OSBPL1A: variants seen among roughly 807,000 people sequenced by gnomAD.
The protein encoded by OSBPL1A is oxysterol-binding protein-related protein 1.
Under a neutral mutation model 137.1 loss-of-function variants are expected in OSBPL1A, and 80 were observed. That is an observed-to-expected ratio of 0.58 (90% confidence interval 0.49 to 0.70). OSBPL1A has a LOEUF of 0.70. Ranked by LOEUF, OSBPL1A falls within the 30% of genes least tolerant of loss-of-function variation. OSBPL1A has a pLI of 0.00. For synonymous variants in OSBPL1A, 365 were observed against 389.7 expected (o/e 0.94, Z 0.75); for missense variants, 970 against 1,129.4 (o/e 0.86, Z 2.02).
At chr18:24,314,737 G>T (rs1030406881) in intron 11 of OSBPL1A, among the ~76,000 whole-genome samples, 1 of 152,114 alleles carries the variant, frequency 6.6e-6, no homozygotes, top group Non-Finnish European at 1.5e-5. Context: ...ATCAGCAGTA[G>T]ATAATGTTGA....
chr18:24,183,160 G>A (rs2145926405), intron 18 of OSBPL1A, among the ~76,000 whole-genome samples: 1 of 152,068 alleles, frequency 6.6e-6, no homozygotes, highest in East Asian at 1.9e-4. Context: ...ACAGGTGTGA[G>A]CCATGGCACC....
chr18:24,173,523 G>T (rs563690437), intron 21 of OSBPL1A, among the ~76,000 whole-genome samples: 20 of 151,952 alleles, frequency 1.3e-4, no homozygotes, highest in Middle Eastern at 3.4e-3. Flanking sequence ...AGTGATTCTC[G>T]GGCCTCAGCC....
intron 26 of OSBPL1A, among the ~76,000 whole-genome samples, chr18:24,166,087 ACT>A (rs758580815): frequency 5.3e-5 from 8 of 152,070 alleles, no homozygotes; most frequent in Non-Finnish European, 1.2e-4. Context: ...ACAGAGCAAG[ACT>A]CTGTATAAAA....
In OSBPL1A at chr18:24,268,117, G is replaced by T. The variant is rs190979189; in HGVS notation, c.1281+12725C>A. ...TTATGTCAAGCTTCCTTTTTTTGTTGTTTATTTTTTATTTTTGAGACAGGG... is the reference window on the plus strand; with the variant it reads ...TTATGTCAAGCTTCCTTTTTTTGTTTTTTATTTTTTATTTTTGAGACAGGG... On this transcript the variant is annotated intron_variant, in intron 15 of 27. Transcript: ENST00000319481. 7.9e-5 allele frequency among the ~76,000 whole-genome samples: 12 copies of T among 151,884 alleles called. No individual in the cohort carries two copies. The East Asian group carries it at 1.7e-3, about 22-fold the overall frequency.
intron 14 of OSBPL1A, among the ~76,000 whole-genome samples, chr18:24,283,625 G>T (rs11873350): frequency 6.6e-6 from 1 of 151,812 alleles, no homozygotes; most frequent in African/African-American, 2.4e-5. Flanking sequence ...GTCTCAACAC[G>T]AACTGTGGAC....
intron 18 of OSBPL1A, among the ~76,000 whole-genome samples, chr18:24,183,906 C>T (rs561576985): frequency 6.6e-6 from 1 of 152,306 alleles, no homozygotes; most frequent in Admixed American, 6.5e-5. Flanking sequence ...ACCACTGAAC[C>T]AGATTGAGTT....
At position 24,377,475 on chromosome 18, in the gene OSBPL1A, T is replaced by G. The variant is rs763356821; in HGVS notation, c.59A>C (p.Glu20Ala). The G allele has an allele frequency of 1.2e-6, 2 of 1,612,602 alleles. No individual in the cohort carries two copies. Among genetic ancestry groups the G allele is most frequent in the East Asian group, 4.5e-5 (2 of 44,866 alleles). The part of the protein sequence containing the change: ...LHHARNGNAE[E>A]VRQLLETMAR... ...CATGGTCTCTAATAGTTGTCTTACT[T>G]CTTCAGCATTGCCATTTCTGGCGTG... Residue 20 changes from glutamate to alanine, a missense_variant, in exon 2 of 28, where the codon GAA becomes GCA. This residue lies in a region of OSBPL1A where 647 missense variants were observed against 672.6 expected (regional missense o/e 0.96). Transcript: ENST00000319481.
At position 24,328,216 on chromosome 18, in the gene OSBPL1A, G is replaced by GTTTTTTTTT. The variant is rs1292001089; in HGVS notation, c.625+4725_625+4726insAAAAAAAAA. On this transcript the variant is annotated intron_variant, in intron 7 of 27. Coordinates refer to ENST00000319481, the MANE Select transcript of OSBPL1A (RefSeq NM_080597.4). ...TGCCACCACGCCCGGCTAATTTTTT[G>GTTTTTTTTT]TATTTTTTTTTTTTTTTTTTTTTTT... Among the ~76,000 whole-genome samples the GTTTTTTTTT allele has an allele frequency of 1.5e-4, 7 of 47,586 alleles. No homozygotes were observed. In the East Asian group the frequency reaches 2.6e-3, roughly 18 times the overall value. 31.2% of individuals were successfully genotyped at this position (47,586 alleles called of 152,430 possible).
rs113323427 is a variant in OSBPL1A, at chr18:24,201,071, T to A, written c.1602-4871A>T. Among the ~76,000 whole-genome samples the A allele has an allele frequency of 1.7e-3, 266 of 152,268 alleles. 1 individual carries two copies. The highest frequency in any genetic ancestry group is 6.1e-3 in the African/African-American group (252 of 41,550). Reference sequence around the variant, plus strand: ...GCACAGCTCAGTGATTCTCTCTCGGTGGAGTTTATCTGAGGGTCATTATCT... The same window carrying A: ...GCACAGCTCAGTGATTCTCTCTCGGAGGAGTTTATCTGAGGGTCATTATCT... On this transcript the variant is annotated intron_variant, in intron 17 of 27. Coordinates refer to ENST00000319481, the MANE Select transcript of OSBPL1A (RefSeq NM_080597.4).
In OSBPL1A at chr18:24,388,300, G is replaced by C. The variant is rs147996431; in HGVS notation, c.-3+9355C>G. Among the ~76,000 whole-genome samples, 247 of 152,198 alleles carry C rather than the reference G, an allele frequency of 1.6e-3. 2 individuals are homozygous for C. The East Asian group carries it at 0.037, about 23-fold the overall frequency. ...TGTTCCCCTATTATATCCCTAGCAA[G>C]GTGCCTAGAACACAGTAGGCAACCA... On this transcript the variant is annotated intron_variant, in intron 1 of 27. Coordinates refer to ENST00000319481, the MANE Select transcript of OSBPL1A (RefSeq NM_080597.4).
intron 23 of OSBPL1A, 81 bp downstream of exon 23, chr18:24,171,328 A>G (rs1319783074): frequency 1.1e-5 from 12 of 1,126,512 alleles, no homozygotes; most frequent in Non-Finnish European, 1.4e-5. Flanking sequence ...CACTGTGCCC[A>G]GCCGACAATG....
intron 14 of OSBPL1A, among the ~76,000 whole-genome samples, chr18:24,300,058 G>A (rs758517383): frequency 1.7e-4 from 26 of 152,134 alleles, no homozygotes; most frequent in Admixed American, 5.2e-4. Context: ...ATTACTTTAG[G>A]TGATTTTGTT....
At chr18:24,221,180 T>C (rs76257752) in intron 17 of OSBPL1A, among the ~76,000 whole-genome samples, 1,755 of 152,348 alleles carry the variant, frequency 0.012, 52 homozygotes, top group East Asian at 0.11. Flanking sequence ...TTTCTCAATA[T>C]AATCTTACTT....
At chr18:24,376,578 C>T (rs1221686920) in intron 2 of OSBPL1A, among the ~76,000 whole-genome samples, 6 of 152,248 alleles carry the variant, frequency 3.9e-5, no homozygotes, top group South Asian at 2.1e-4. Flanking sequence ...ACCATGCGCC[C>T]GCACTCCTCA....
intron 7 of OSBPL1A, among the ~76,000 whole-genome samples, chr18:24,327,083 T>C (rs550649366): frequency 7.9e-5 from 12 of 151,724 alleles, no homozygotes; most frequent in African/African-American, 2.9e-4. Context: ...ATAATGTAAA[T>C]GTTGCTCTTA....
intron 16 of OSBPL1A, among the ~76,000 whole-genome samples, chr18:24,226,872 A>G (rs1232993066): frequency 6.7e-6 from 1 of 149,380 alleles, no homozygotes; most frequent in African/African-American, 2.5e-5. Flanking sequence ...CCTATACCTC[A>G]TAACAAAGAA....
intron 21 of OSBPL1A, among the ~76,000 whole-genome samples, chr18:24,172,882 C>G (rs990519413): frequency 2.0e-5 from 3 of 152,102 alleles, no homozygotes; most frequent in Non-Finnish European, 4.4e-5. Context: ...TGTGAATAAA[C>G]TCTGATTTTA....
intron 15 of OSBPL1A, among the ~76,000 whole-genome samples, chr18:24,272,883 A>G (rs1478163715): frequency 6.6e-6 from 1 of 151,882 alleles, no homozygotes; most frequent in Non-Finnish European, 1.5e-5. Context: ...CTTTGTTTTC[A>G]TTGTTATTTT....
intron 7 of OSBPL1A, among the ~76,000 whole-genome samples, chr18:24,330,432 TAA>T (rs2091055370): frequency 6.6e-6 from 1 of 151,834 alleles, no homozygotes; most frequent in African/African-American, 2.4e-5. Flanking sequence ...AGGCTCAAGA[TAA>T]AAAGACAATA....
Sources: gnomAD v4.1 joint callset for allele counts (sites outside exome capture counted in the v4.1 genomes callset) on GRCh38, gnomAD v4.1.1 for gene constraint, gnomAD v4.1.1 regional missense constraint, MANE v1.5 for transcripts, NCBI Gene and HGNC (gene_info 2026-07-23, HGNC 2026-07-21) for gene names.